GALNT18: variants seen among roughly 807,000 people sequenced by gnomAD.
GALNT18 encodes GalNAc-transferase 18.
Under a neutral mutation model 69.5 loss-of-function variants are expected in GALNT18, and 44 were observed. The observed-to-expected ratio is 0.63, with a 90% CI of 0.50 to 0.81. GALNT18 has a LOEUF of 0.81. Among genes scored for constraint, GALNT18 ranks in the 40% least tolerant of loss-of-function variants. The pLI is 0.00. For synonymous variants in GALNT18, 364 were observed against 318.2 expected (o/e 1.14, Z -1.53); for missense variants, 715 against 810.0 (o/e 0.88, Z 1.42).
At chr11:11,534,773 C>G (rs1318306601) in intron 1 of GALNT18, among the ~76,000 whole-genome samples, 2 of 152,238 alleles carry the variant, frequency 1.3e-5, no homozygotes, top group African/African-American at 4.8e-5. Flanking sequence ...GCTGTGTTTA[C>G]AAATACAACT....
chr11:11,431,810 C>T (rs1034828903), intron 3 of GALNT18, among the ~76,000 whole-genome samples: 2 of 152,164 alleles, frequency 1.3e-5, no homozygotes, highest in Non-Finnish European at 2.9e-5. Context: ...GATACAGTGA[C>T]CCAGCAGTCT....
rs542481130 is a variant in GALNT18 at position 11,461,023 on chromosome 11, T to C, written c.236-12087A>G. 6.6e-5 allele frequency among the ~76,000 whole-genome samples: 10 copies of C among 152,302 alleles called. No homozygotes were observed. In the South Asian group the frequency reaches 2.1e-3, roughly 32 times the overall value. ...GGAAGGCAACTCCAGCTAGGTGGGC[T>C]AGGACTCAGGAAGGGTGGTGGGTCC... On this transcript the variant is annotated intron_variant, in intron 1 of 10. Transcript: ENST00000227756. This position sits in a 1 kb window ranked among gnomAD's most constrained non-coding sequence, Gnocchi z 4.1.
intron 1 of GALNT18, among the ~76,000 whole-genome samples, chr11:11,565,618 G>A (rs575876133): frequency 5.3e-5 from 8 of 152,208 alleles, no homozygotes; most frequent in Admixed American, 6.5e-5. Context: ...CATTCATTCA[G>A]TAAACAATGG....
rs961697727 is a variant in GALNT18, at chr11:11,432,535, A to G, written c.595+86T>C. ...GAAAGAGCAGCCACAGACAGCCTTG[A>G]GCAAATGTGAACCACGACGCTGAAC... On this transcript the variant is annotated intron_variant, in intron 3 of 10. Transcript: ENST00000227756. This position sits in a 1 kb window ranked among gnomAD's most constrained non-coding sequence, Gnocchi z 5.8. 32 of 1,361,600 alleles carry G rather than the reference A, an allele frequency of 2.4e-5. No individual in the cohort carries two copies. Among genetic ancestry groups the G allele is most frequent in the Non-Finnish European group, 1.5e-5 (15 of 996,010 alleles). The allele number at this position is 1,361,600 out of a possible 1,614,324, so 84.3% of individuals were successfully genotyped here. A position where few individuals can be genotyped will look rare whatever the true frequency, so the allele number is the denominator to read the frequency against.
Position 11,621,390 on chromosome 11 carries a change from G to C in GALNT18, c.204C>G (p.His68Gln). 1 of 1,614,068 alleles carries C rather than the reference G, an allele frequency of 6.2e-7. No individual in the cohort carries two copies. Among genetic ancestry groups the C allele is most frequent in the Non-Finnish European group, 8.5e-7 (1 of 1,180,014 alleles). ...DTLKIIERLD[H>Q]LENVIKQHIQ... ...TGTGCTGCTTGATGACATTCTCCAG[G>C]TGGTCCAGCCGCTCAATAATCTTCA... The change falls in exon 1 of 11, where the codon CAC (histidine) becomes CAG (glutamine). Residue 68 changes from histidine to glutamine, a missense_variant. Physicochemically the swap from His to Gln is conservative, Grantham distance 24. Coordinates refer to ENST00000227756, the MANE Select transcript of GALNT18 (RefSeq NM_198516.3). The surrounding 1 kb of genome is among the most constrained non-coding windows in gnomAD (Gnocchi z 9.3).
chr11:11,366,385 A>G (rs1363519194), intron 6 of GALNT18, among the ~76,000 whole-genome samples: 1 of 152,222 alleles, frequency 6.6e-6, no homozygotes, highest in Non-Finnish European at 1.5e-5. Context: ...TTTTATGTAC[A>G]TATGCATCTA....
chr11:11,490,674 T>C (rs1191564336), intron 1 of GALNT18, among the ~76,000 whole-genome samples: 1 of 152,126 alleles, frequency 6.6e-6, no homozygotes, highest in Non-Finnish European at 1.5e-5. Flanking sequence ...ATGCAAGTCT[T>C]CCATGGAACC....
At chr11:11,545,898 A>G (rs1858043560) in intron 1 of GALNT18, among the ~76,000 whole-genome samples, 1 of 152,198 alleles carries the variant, frequency 6.6e-6, no homozygotes, top group Admixed American at 6.5e-5. Context: ...AATGACAAAC[A>G]CTTCTGTGCA....
intron 6 of GALNT18, among the ~76,000 whole-genome samples, chr11:11,363,158 T>C (rs1426857504): frequency 2.0e-5 from 3 of 152,220 alleles, no homozygotes; most frequent in Non-Finnish European, 2.9e-5. Flanking sequence ...AATGTTTACA[T>C]TGGAAATAGA....
At chr11:11,422,141 G>A (rs1855024220) in intron 3 of GALNT18, among the ~76,000 whole-genome samples, 1 of 152,246 alleles carries the variant, frequency 6.6e-6, no homozygotes, top group Admixed American at 6.5e-5. Context: ...GAATCAACAG[G>A]GAGAGATGGG....
intron 1 of GALNT18, among the ~76,000 whole-genome samples, chr11:11,467,378 T>G (rs1856175735): frequency 6.6e-6 from 1 of 152,226 alleles, no homozygotes; most frequent in Non-Finnish European, 1.5e-5. Context: ...CACAGAGCCC[T>G]TTCTTACCCA....
chr11:11,440,860 G>A (rs1316147232), intron 2 of GALNT18, among the ~76,000 whole-genome samples: 1 of 152,204 alleles, frequency 6.6e-6, no homozygotes, highest in African/African-American at 2.4e-5. Context: ...AAACTTTGCA[G>A]TACCATCCCT....
In GALNT18 at chr11:11,497,149, C is replaced by A. The variant is rs1263771066; in HGVS notation, c.236-48213G>T. Among the ~76,000 whole-genome samples, 1 of 152,132 alleles carries A rather than the reference C, an allele frequency of 6.6e-6. No homozygotes were observed. Among genetic ancestry groups the A allele is most frequent in the Non-Finnish European group, 1.5e-5 (1 of 68,022 alleles). On this transcript the variant is annotated intron_variant, in intron 1 of 10. Coordinates refer to ENST00000227756, the MANE Select transcript of GALNT18 (RefSeq NM_198516.3). This position sits in a 1 kb window ranked among gnomAD's most constrained non-coding sequence, Gnocchi z 4.2. ...CCAGGGCCAGACCCTTCTTGTCATG[C>A]AAGTCTCAGCTCAATCATTGCTTGC...
intron 8 of GALNT18, among the ~76,000 whole-genome samples, chr11:11,328,690 G>C (rs1041186139): frequency 6.6e-6 from 1 of 152,188 alleles, no homozygotes; most frequent in Non-Finnish European, 1.5e-5. Context: ...AGAGCCCCCA[G>C]TAGCATTTCT....
At chr11:11,283,578 A>G (rs1849131006) in intron 10 of GALNT18, among the ~76,000 whole-genome samples, 1 of 152,026 alleles carries the variant, frequency 6.6e-6, no homozygotes, top group Admixed American at 6.5e-5. Context: ...TTCTGTCCTC[A>G]CTCGCAGGGT....
chr11:11,343,271 C>G (rs1330263453), intron 6 of GALNT18, among the ~76,000 whole-genome samples: 1 of 151,948 alleles, frequency 6.6e-6, no homozygotes, highest in Non-Finnish European at 1.5e-5. Flanking sequence ...TCGCTTGAGC[C>G]CAGGAGGTGG....
intron 1 of GALNT18, among the ~76,000 whole-genome samples, chr11:11,581,828 C>T (rs752530993): frequency 2.4e-4 from 37 of 152,158 alleles, no homozygotes; most frequent in Non-Finnish European, 4.0e-4. Flanking sequence ...GGTCACTCTC[C>T]ACATGCTGGG....
Position 11,356,152 on chromosome 11 carries a change from G to A in GALNT18, c.1093-15148C>T, listed in dbSNP as rs1850525306. ...GCCAAGAACATTTGTATTTGGAGATGCCCCTGACCCCTCCTTCTGCAACTT... is the reference window on the plus strand; with the variant it reads ...GCCAAGAACATTTGTATTTGGAGATACCCCTGACCCCTCCTTCTGCAACTT... On this transcript the variant is annotated intron_variant, in intron 6 of 10. Transcript: ENST00000227756. This position sits in a 1 kb window ranked among gnomAD's most constrained non-coding sequence, Gnocchi z 4.4. 6.6e-6 allele frequency among the ~76,000 whole-genome samples: 1 copy of A among 152,136 alleles called. No homozygotes were observed. The highest frequency in any genetic ancestry group is 1.5e-5 in the Non-Finnish European group (1 of 68,022).
chr11:11,319,053 CTACAGATA>C (rs1849800209), intron 9 of GALNT18, among the ~76,000 whole-genome samples: 1 of 147,442 alleles, frequency 6.8e-6, no homozygotes, highest in African/African-American at 2.6e-5. Flanking sequence ...TAGAAAATGT[CTACAGATA>C]CTCAGTTCCT....
Sources: gnomAD v4.1 joint callset for allele counts (sites outside exome capture counted in the v4.1 genomes callset) on GRCh38, gnomAD v4.1.1 for gene constraint, Gnocchi (gnomAD v3.1) non-coding constraint, MANE v1.5 for transcripts, NCBI Gene and HGNC (gene_info 2026-07-23, HGNC 2026-07-21) for gene names.